The following DAB1 variants were observed in gnomAD, a reference collection of about 807,000 sequenced individuals.
DAB1 encodes DAB adaptor protein 1, also known as disabled homolog 1.
DAB1 carries 15 observed loss-of-function variants against 64.6 expected under a neutral mutation model. The ratio of observed to expected loss-of-function variants is 0.23; its 90% CI spans 0.16 to 0.36. The LOEUF is 0.36. DAB1 is among the 10% of genes least tolerant of loss of function. The probability of loss-of-function intolerance (pLI) is 1.00; values close to 1 mark genes in which losing one functional copy is unlikely to be tolerated. For synonymous variants in DAB1, 235 were observed against 251.9 expected (o/e 0.93, Z 0.64); for missense variants, 596 against 706.7 (o/e 0.84, Z 1.78).
intron 4 of DAB1, among the ~76,000 whole-genome samples, chr1:57,086,272 G>C (rs1455303420): frequency 6.6e-6 from 1 of 152,056 alleles, no homozygotes. Context: ...CTCCCAGCTG[G>C]GTGCCCGTCG....
In DAB1 at chr1:57,214,711, C is replaced by T. The variant is rs138291167; in HGVS notation, c.68-69282G>A. Among the ~76,000 whole-genome samples, 906 of 151,960 alleles carry T rather than the reference C, an allele frequency of 6.0e-3. 5 individuals are homozygous for T. Among genetic ancestry groups the T allele is most frequent in the Non-Finnish European group, 8.7e-3 (593 of 67,950 alleles). ...GGATCACAAGGTCAGGAGATCGAGA[C>T]CATCCTGGCTAACATGGTGAAACCC... On this transcript the variant is annotated intron_variant, in intron 2 of 14. Transcript: ENST00000371236.
chr1:57,415,944 G>A (rs1234582024), intron 1 of DAB1, among the ~76,000 whole-genome samples: 1 of 152,092 alleles, frequency 6.6e-6, no homozygotes, highest in African/African-American at 2.4e-5. Context: ...AAACTACCAG[G>A]AGAAATATAT....
rs183449193 is a variant in DAB1 at position 57,303,218 on chromosome 1, T to C, written c.-136-12052A>G. Among the ~76,000 whole-genome samples, 200 of 152,310 alleles carry C rather than the reference T, an allele frequency of 1.3e-3. 1 individual carries two copies. The highest frequency in any genetic ancestry group is 2.5e-3 in the Non-Finnish European group (173 of 68,008). ...TGCATGAAGGATGAAAGTTGATCTT[T>C]GGGTGGGAGGGCTGACAGTGGTAGA... On this transcript the variant is annotated intron_variant, in intron 1 of 14. Transcript: ENST00000371236.
intron 4 of DAB1, among the ~76,000 whole-genome samples, chr1:57,092,456 G>C (rs493334): frequency 0.52 from 79,271 of 151,508 alleles, 21,162 homozygotes; most frequent in South Asian, 0.64. Context: ...CTCATGAGAT[G>C]TCATGGTTTT....
intron 1 of DAB1, among the ~76,000 whole-genome samples, chr1:57,375,634 CT>C (rs1680833646): frequency 6.6e-6 from 1 of 152,164 alleles, no homozygotes; most frequent in Admixed American, 6.5e-5. Context: ...AGCCCAAACT[CT>C]GAACCACTTG....
intron 4 of DAB1, among the ~76,000 whole-genome samples, chr1:58,296,162 G>GAAAGA (rs71912719): frequency 5.9e-5 from 1 of 17,024 alleles, no homozygotes; most frequent in Non-Finnish European, 2.5e-4. Flanking sequence ...AAAAAAGAAA[G>GAAAGA]AAAGAAAGAA....
chr1:58,518,196 A>G (rs1313478485), intron 2 of DAB1, among the ~76,000 whole-genome samples: 6 of 60,296 alleles, frequency 1.0e-4, no homozygotes, highest in Admixed American at 4.0e-4. Context: ...GAAAGAAAAG[A>G]GGAGAGGGGA....
At chr1:57,728,916 G>A (rs1048709056) in intron 6 of DAB1, among the ~76,000 whole-genome samples, 3 of 152,038 alleles carry the variant, frequency 2.0e-5, no homozygotes, top group Non-Finnish European at 4.4e-5. Flanking sequence ...GCCAGGCATG[G>A]TAAAAGCCCT....
chr1:57,479,546 A>G (rs1005882621), intron 7 of DAB1, among the ~76,000 whole-genome samples: 1 of 152,012 alleles, frequency 6.6e-6, no homozygotes, highest in African/African-American at 2.4e-5. Flanking sequence ...AAATAGAAAT[A>G]ACATTTATTT....
chr1:57,485,085 C>T (rs932091826), intron 7 of DAB1, among the ~76,000 whole-genome samples: 1 of 152,126 alleles, frequency 6.6e-6, no homozygotes, highest in Non-Finnish European at 1.5e-5. Flanking sequence ...AGCAGCCAAC[C>T]TCAAGATCTA....
At chr1:58,080,759 T>C (rs1289852547) in intron 5 of DAB1, among the ~76,000 whole-genome samples, 2 of 152,206 alleles carry the variant, frequency 1.3e-5, no homozygotes, top group Non-Finnish European at 2.9e-5. Context: ...ATTGCATGAA[T>C]ACAGGTAAGT....
intron 7 of DAB1, among the ~76,000 whole-genome samples, chr1:57,500,291 C>T (rs558902533): frequency 9.2e-5 from 14 of 152,308 alleles, no homozygotes; most frequent in East Asian, 3.9e-4. Context: ...TAAATTTCAA[C>T]GGCAGGAGCC....
At chr1:57,121,844 T>C (rs1339623638) in intron 4 of DAB1, among the ~76,000 whole-genome samples, 2 of 152,012 alleles carry the variant, frequency 1.3e-5, no homozygotes, top group East Asian at 1.9e-4. Context: ...CAAACCACCA[T>C]GGCACATGTG....
chr1:58,267,226 AT>A (rs1661191055), intron 4 of DAB1, among the ~76,000 whole-genome samples: 1 of 152,224 alleles, frequency 6.6e-6, no homozygotes, highest in African/African-American at 2.4e-5. Flanking sequence ...TCTCAAAAAA[AT>A]AAATGAAATA....
At chr1:57,249,261 T>C (rs764125245) in intron 2 of DAB1, among the ~76,000 whole-genome samples, 1 of 152,194 alleles carries the variant, frequency 6.6e-6, no homozygotes, top group Non-Finnish European at 1.5e-5. Context: ...ATTTACCCCA[T>C]CCTATTGAGT....
intron 5 of DAB1, among the ~76,000 whole-genome samples, chr1:58,007,092 T>C (rs1252944632): frequency 1.3e-5 from 2 of 152,114 alleles, no homozygotes; most frequent in East Asian, 3.9e-4. Context: ...TGATTTAAGC[T>C]CTCTGCTGCC....
chr1:58,335,099 C>A (rs1362549872), intron 4 of DAB1, among the ~76,000 whole-genome samples: 1 of 152,102 alleles, frequency 6.6e-6, no homozygotes, highest in Non-Finnish European at 1.5e-5. Context: ...CAAATGAAAT[C>A]ATATACGATC....
At chr1:57,925,407 C>T (rs751532648) in intron 5 of DAB1, among the ~76,000 whole-genome samples, 14 of 152,158 alleles carry the variant, frequency 9.2e-5, no homozygotes, top group Non-Finnish European at 1.8e-4. Context: ...AATACATGCA[C>T]GCTTCATACA....
At chr1:58,191,377 G>A (rs1657379626) in intron 4 of DAB1, among the ~76,000 whole-genome samples, 1 of 152,140 alleles carries the variant, frequency 6.6e-6, no homozygotes, top group Admixed American at 6.5e-5. Flanking sequence ...TTTTAAAGCA[G>A]TGGAACATTT....
Sources: allele counts gnomAD v4.1 joint callset (sites outside exome capture counted in the v4.1 genomes callset), GRCh38; gene constraint gnomAD v4.1.1; transcripts MANE v1.5; gene names NCBI Gene and HGNC (gene_info 2026-07-23, HGNC 2026-07-21).